MKLN1: variants seen among roughly 807,000 people sequenced by gnomAD.
MKLN1 encodes muskelin.
A neutral mutation model predicts 99.0 loss-of-function variants in MKLN1; 18 were observed. The ratio of observed to expected loss-of-function variants is 0.18; its 90% CI spans 0.13 to 0.27. The LOEUF is 0.27. MKLN1 is among the 10% of genes least tolerant of loss of function. The pLI, the probability that MKLN1 is intolerant of heterozygous loss-of-function variation, is 1.00. For missense variants in MKLN1, 621 were observed against 875.9 expected, an observed-to-expected ratio of 0.71 and a Z score of 3.67; for synonymous variants, 288 against 293.2, an observed-to-expected ratio of 0.98 and a Z score of 0.18.
intron 3 of MKLN1, among the ~76,000 whole-genome samples, chr7:131,273,350 CA>C (rs201440124): frequency 4.7e-3 from 6 of 1,270 alleles, no homozygotes; most frequent in Non-Finnish European, 0.039. Flanking sequence ...GGAAAAGGTC[CA>C]TTTTTTTAGC....
chr7:131,206,090 C>T (rs6977609), intron 3 of MKLN1, among the ~76,000 whole-genome samples: 69,963 of 151,278 alleles, frequency 0.46, 16,842 homozygotes, highest in South Asian at 0.61. Flanking sequence ...GACGGGGTTT[C>T]GCCATGTTGA....
chr7:131,362,797 G>A (rs556048882), intron 1 of MKLN1, among the ~76,000 whole-genome samples: 167 of 151,758 alleles, frequency 1.1e-3, no homozygotes, highest in African/African-American at 3.9e-3. Context: ...TTCAAACTGT[G>A]TATTTTTTGG....
At chr7:131,332,224 C>G (rs1162934250) in intron 1 of MKLN1, among the ~76,000 whole-genome samples, 2 of 150,992 alleles carry the variant, frequency 1.3e-5, no homozygotes, top group Admixed American at 6.6e-5. Flanking sequence ...TCACTTGAGA[C>G]CAGGAGTTTG....
At chr7:131,240,675 A>G (rs571663207) in intron 3 of MKLN1, among the ~76,000 whole-genome samples, 2 of 152,362 alleles carry the variant, frequency 1.3e-5, no homozygotes, top group South Asian at 2.1e-4. Flanking sequence ...TCCTAATAAA[A>G]TATTCAGATA....
chr7:131,366,415 C>T (rs1048687195), intron 1 of MKLN1, among the ~76,000 whole-genome samples: 9 of 152,066 alleles, frequency 5.9e-5, no homozygotes, highest in African/African-American at 1.7e-4. Flanking sequence ...TTAAAGTTGG[C>T]GGGGCTTACT....
At chr7:131,355,425 T>TC (rs1799843600) in intron 1 of MKLN1, among the ~76,000 whole-genome samples, 1 of 151,856 alleles carries the variant, frequency 6.6e-6, no homozygotes, top group South Asian at 2.1e-4. Flanking sequence ...TCTTTGCATT[T>TC]TTTCCAGGTT....
Position 131,491,272 on chromosome 7 carries a change from T to C in MKLN1, c.*3544T>C, listed in dbSNP as rs1797415897. 1 of 151,944 alleles carries C rather than the reference T, an allele frequency of 6.6e-6. No individual in the cohort carries two copies. Among genetic ancestry groups the C allele is most frequent in the Non-Finnish European group, 1.5e-5 (1 of 67,954 alleles). The allele number at this position is 151,944 out of a possible 1,614,324, so 9.4% of individuals were successfully genotyped here. A position where few individuals can be genotyped will look rare whatever the true frequency, so the allele number is the denominator to read the frequency against. On this transcript the variant is annotated 3_prime_UTR_variant, in exon 18 of 18. Transcript: ENST00000352689. ...TTCTTTTCTTAAAATTCCACATTCA[T>C]CCACAATCTCATCCCTTTGTAGAAA...
intron 3 of MKLN1, chr7:131,310,794 T>C (rs1798550825): frequency 6.6e-6 from 1 of 152,234 alleles, no homozygotes. Context: ...AAAAAGATTC[T>C]TATTAAATGT....
chr7:131,477,574 T>G (rs1797003606), intron 16 of MKLN1, among the ~76,000 whole-genome samples: 1 of 152,214 alleles, frequency 6.6e-6, no homozygotes, highest in African/African-American at 2.4e-5. Flanking sequence ...GACAGAGGAC[T>G]GATACCCAGA....
intron 3 of MKLN1, among the ~76,000 whole-genome samples, chr7:131,262,200 C>T (rs1403612517): frequency 6.6e-6 from 1 of 152,126 alleles, no homozygotes; most frequent in Non-Finnish European, 1.5e-5. Flanking sequence ...CTTTGGGAGG[C>T]TGAGGTGGGC....
intron 1 of MKLN1, among the ~76,000 whole-genome samples, chr7:131,367,094 A>G (rs1290646967): frequency 3.3e-5 from 5 of 152,208 alleles, no homozygotes; most frequent in Non-Finnish European, 7.4e-5. Flanking sequence ...GTTTCATTAT[A>G]AATTTTTAAA....
At chr7:131,429,499 C>A (rs189695451) in intron 9 of MKLN1, among the ~76,000 whole-genome samples, 1 of 152,196 alleles carries the variant, frequency 6.6e-6, no homozygotes, top group Admixed American at 6.5e-5. Context: ...ATTTTTATTT[C>A]TTCTGGAATA....
chr7:131,116,784 G>C (rs577224359), intron 1 of MKLN1, among the ~76,000 whole-genome samples: 3 of 152,086 alleles, frequency 2.0e-5, no homozygotes, highest in African/African-American at 7.2e-5. Flanking sequence ...ATAATAAAAG[G>C]CATGTGCATC....
At chr7:131,254,606 T>A (rs4275164) in intron 3 of MKLN1, among the ~76,000 whole-genome samples, 71,730 of 151,716 alleles carry the variant, frequency 0.47, 17,421 homozygotes, top group Middle Eastern at 0.7. Flanking sequence ...GATTTTTTTT[T>A]AAAAAAGAAC....
chr7:131,242,976 C>T (rs1008682914), intron 3 of MKLN1: 6 of 626,190 alleles, frequency 9.6e-6, no homozygotes, highest in East Asian at 3.7e-5. Context: ...CAAGAACAAG[C>T]GGTTCTTCCA....
At chr7:131,170,965 C>A (rs1182217714) in intron 2 of MKLN1, among the ~76,000 whole-genome samples, 2 of 152,160 alleles carry the variant, frequency 1.3e-5, no homozygotes, top group African/African-American at 4.8e-5. Flanking sequence ...AGGCTGGAGA[C>A]CCATTTTGGG....
chr7:131,344,610 T>C (rs1451131292), intron 1 of MKLN1, among the ~76,000 whole-genome samples: 2 of 152,188 alleles, frequency 1.3e-5, no homozygotes, highest in African/African-American at 4.8e-5. Flanking sequence ...CTTACTGTTC[T>C]TGTGTATTCT....
At chr7:131,383,085 T>G (rs1793901351) in intron 2 of MKLN1, among the ~76,000 whole-genome samples, 1 of 152,212 alleles carries the variant, frequency 6.6e-6, no homozygotes, top group South Asian at 2.1e-4. Context: ...GTTTGAAGTT[T>G]TCTGAGAATT....
chr7:131,111,893 T>C (rs10253511), intron 1 of MKLN1, among the ~76,000 whole-genome samples: 18,874 of 152,222 alleles, frequency 0.12, 1,615 homozygotes, highest in Admixed American at 0.27. Context: ...TGGGTTAGCA[T>C]TGTGGCATTC....
Sources: allele counts gnomAD v4.1 joint callset (sites outside exome capture counted in the v4.1 genomes callset), GRCh38; gene constraint gnomAD v4.1.1; transcripts MANE v1.5; gene names NCBI Gene and HGNC (gene_info 2026-07-23, HGNC 2026-07-21).